DST: variants seen among roughly 807,000 people sequenced by gnomAD.
DST encodes bullous pemphigoid antigen.
DST carries 253 observed loss-of-function variants against 875.2 expected under a neutral mutation model. That is an observed-to-expected ratio of 0.29 (90% CI 0.26 to 0.32). The LOEUF (loss-of-function observed/expected upper bound fraction) is 0.32. Among genes scored for constraint, DST ranks in the 10% least tolerant of loss-of-function variants. The probability of loss-of-function intolerance (pLI) is 1.00; values close to 1 mark genes in which losing one functional copy is unlikely to be tolerated. For missense variants in DST, 8,287 were observed against 9,111.6 expected (o/e 0.91, Z 3.68); for synonymous variants, 3,124 against 3,197.1 (o/e 0.98, Z 0.77).
At chr6:56,909,233 T>C (rs996030777) in intron 2 of DST, among the ~76,000 whole-genome samples, 2 of 152,248 alleles carry the variant, frequency 1.3e-5, no homozygotes, top group African/African-American at 4.8e-5. Context: ...CTTTCATAGT[T>C]CTGTCTTTTA....
intron 72 of DST, among the ~76,000 whole-genome samples, chr6:56,514,970 C>A (rs767509250): frequency 1.4e-4 from 22 of 152,166 alleles, no homozygotes; most frequent in Non-Finnish European, 2.9e-4. Context: ...TATACTTCAT[C>A]ATTTTTCCTT....
rs144559816 is a variant in DST at position 56,774,763 on chromosome 6, T to C, written c.626-39474A>G. ...ATCCCAGCACTTTGGGAGGCCGAGATGGGCTGATCACCTGAGGTCGGGAGT... is the reference window on the plus strand; with the variant it reads ...ATCCCAGCACTTTGGGAGGCCGAGACGGGCTGATCACCTGAGGTCGGGAGT... On this transcript the variant is annotated intron_variant, in intron 4 of 103. Transcript: ENST00000680361. 3.3e-3 allele frequency among the ~76,000 whole-genome samples: 508 copies of C among 152,168 alleles called. 4 individuals carry two copies. Among genetic ancestry groups the C allele is most frequent in the African/African-American group, 0.012 (493 of 41,518 alleles).
At chr6:56,907,026 C>T (rs545735243) in intron 2 of DST, among the ~76,000 whole-genome samples, 83 of 152,272 alleles carry the variant, frequency 5.5e-4, no homozygotes, top group African/African-American at 1.8e-3. Context: ...TTAATAATAA[C>T]CCAGTACATC....
chr6:56,702,019 G>T, intron 7 of DST, 54 bp from the exon 8 acceptor site: 1 of 1,036,522 alleles, frequency 9.6e-7, no homozygotes, highest in Non-Finnish European at 1.5e-6. Flanking sequence ...CACAGACCAT[G>T]CTAATTTAAA....
At chr6:56,705,091 C>T (rs528391726) in intron 5 of DST, among the ~76,000 whole-genome samples, 1 of 152,288 alleles carries the variant, frequency 6.6e-6, no homozygotes, top group East Asian at 1.9e-4. Flanking sequence ...AAAGATTTCC[C>T]AAAAGCTTTG....
At chr6:56,573,621 C>A in intron 51 of DST, 58 bp downstream of exon 51, 1 of 1,293,538 alleles carries the variant, frequency 7.7e-7, no homozygotes, top group Non-Finnish European at 1.1e-6. Context: ...ACACTTTGAG[C>A]TTATAAAACT....
intron 70 of DST, 50 bp downstream of exon 70, chr6:56,517,451 G>C: frequency 6.2e-7 from 1 of 1,603,202 alleles, no homozygotes; most frequent in South Asian, 1.1e-5. Context: ...TATAGAGTTG[G>C]AGCACACCAG....
intron 15 of DST, among the ~76,000 whole-genome samples, chr6:56,644,039 A>T (rs2098928269): frequency 6.6e-6 from 1 of 152,208 alleles, no homozygotes; most frequent in Non-Finnish European, 1.5e-5. Context: ...ACAACTTTGC[A>T]GGCTGAGCTA....
chr6:56,910,466 ATTTATTTTAT>A (rs141557334), intron 2 of DST, among the ~76,000 whole-genome samples: 1 of 151,238 alleles, frequency 6.6e-6, no homozygotes, highest in African/African-American at 2.4e-5. Context: ...TGAATTGTAC[ATTTATTTTAT>A]TTTATTTTAT....
At chr6:56,476,703 T>C (rs2095208672) in intron 91 of DST, among the ~76,000 whole-genome samples, 2 of 152,198 alleles carry the variant, frequency 1.3e-5, no homozygotes, top group Non-Finnish European at 2.9e-5. Flanking sequence ...ACGCCTGTAA[T>C]CCCAGCACTT....
intron 2 of DST, among the ~76,000 whole-genome samples, chr6:56,922,514 G>A (rs987506482): frequency 5.3e-5 from 8 of 152,162 alleles, no homozygotes; most frequent in Non-Finnish European, 1.2e-4. Flanking sequence ...CTACTCTCTT[G>A]AGGGTCTCCT....
At chr6:56,572,675 G>T in intron 52 of DST, 72 bp downstream of exon 52, 1 of 1,082,090 alleles carries the variant, frequency 9.2e-7, no homozygotes, top group Non-Finnish European at 1.3e-6. Flanking sequence ...TATAATTCTG[G>T]CACTAAGTAT....
At chr6:56,662,807 G>T (rs1273223913) in intron 10 of DST, among the ~76,000 whole-genome samples, 3 of 151,874 alleles carry the variant, frequency 2.0e-5, no homozygotes, top group Non-Finnish European at 4.4e-5. Flanking sequence ...TTGGGCATGG[G>T]GGCGGGGGGG....
chr6:56,608,556 G>GA lies in DST; in HGVS notation c.6071dup (p.Leu2025ProfsTer28), dbSNP rs2098517721. 1 of 1,613,340 alleles carries GA rather than the reference G, an allele frequency of 6.2e-7. No individual in the cohort carries two copies. The highest frequency in any genetic ancestry group is 1.7e-5 in the Admixed American group (1 of 59,860). On this transcript the variant is annotated frameshift_variant, in exon 40 of 104. Coordinates refer to ENST00000680361, the MANE Select transcript of DST (RefSeq NM_001374736.1). LOFTEE classifies it high-confidence loss of function. ...CACCAGTTTGAACCTGATATGTGAG[G>GA]ATACTGCTAGCAGTGTCCCTGTCAA...
At chr6:56,643,951 TGTA>T (rs2098927740) in intron 15 of DST, among the ~76,000 whole-genome samples, 2 of 152,318 alleles carry the variant, frequency 1.3e-5, no homozygotes, top group African/African-American at 4.8e-5. Context: ...AACCACCCAA[TGTA>T]GTAGGCACTA....
rs776067327 is a variant in DST at position 56,604,671 on chromosome 6, CTTA to C, written c.9954_9956del (p.Asn3318del). On this transcript the variant is annotated inframe_deletion, in exon 40 of 104. Coordinates refer to ENST00000680361, the MANE Select transcript of DST (RefSeq NM_001374736.1). ...GTAGCTGTTGCTCAATTCTTTCTTT[CTTA>C]TTATTAATTTCTAAGAATGAATAGT... The C allele has an allele frequency of 2.5e-6, 4 of 1,611,732 alleles. No individual in the cohort carries two copies. Among genetic ancestry groups the C allele is most frequent in the Non-Finnish European group, 2.5e-6 (3 of 1,178,756 alleles).
chr6:56,526,453 C>G lies in DST; in HGVS notation c.18037G>C (p.Val6013Leu), dbSNP rs2096798645. Residue 6013 changes from valine to leucine, a missense_variant, in exon 69 of 104, where the codon GTA becomes CTA. Coordinates refer to ENST00000680361, the MANE Select transcript of DST (RefSeq NM_001374736.1). The stretch of plus-strand genomic sequence containing the variant: ...CGGTAGCGCTCATTGTCCTCAGCTA[C>G]CATTTTCTCAAGTCCTTCTCTTGCC... ...WRAREGLEKMVAEDNERYRLV... is the reference protein window; with the variant it reads ...WRAREGLEKMLAEDNERYRLV... 1 of 1,613,868 alleles carries G rather than the reference C, an allele frequency of 6.2e-7. No homozygotes were observed. The highest frequency in any genetic ancestry group is 8.5e-7 in the Non-Finnish European group (1 of 1,179,824).
At chr6:56,527,436 G>T in intron 68 of DST, 57 bp downstream of exon 68, 1 of 1,568,992 alleles carries the variant, frequency 6.4e-7, no homozygotes, top group South Asian at 1.2e-5. Context: ...ATTTTTGTGT[G>T]AATAAGACTG....
chr6:56,783,467 A>T lies in DST; in HGVS notation c.626-48178T>A, dbSNP rs577339232. Among the ~76,000 whole-genome samples, 1,045 of 152,052 alleles carry T rather than the reference A, an allele frequency of 6.9e-3. 15 individuals carry two copies. The highest frequency in any genetic ancestry group is 0.024 in the African/African-American group (1,013 of 41,410). On this transcript the variant is annotated intron_variant, in intron 4 of 103. Transcript: ENST00000680361. ...CTCTTCTTGTTGAATTGATCCCTTT[A>T]CCATTACGTAATGGCCTTCTTTGTC...
Sources: allele counts gnomAD v4.1 joint callset (sites outside exome capture counted in the v4.1 genomes callset), GRCh38; gene constraint gnomAD v4.1.1; transcripts MANE v1.5; gene names NCBI Gene and HGNC (gene_info 2026-07-23, HGNC 2026-07-21).